Variants in CEBPZOS observed in about 807,000 individuals in gnomAD.
The protein encoded by CEBPZOS is CEBPZ opposite strand.
Under a neutral mutation model 4.8 loss-of-function variants are expected in CEBPZOS, and 10 were observed. The ratio of observed to expected loss-of-function variants is 2.07; its 90% CI spans 1.28 to 3.52. The LOEUF is 3.52. Ranked by LOEUF, CEBPZOS falls within the 30% of genes most tolerant of loss-of-function variation. The pLI, the probability that CEBPZOS is intolerant of heterozygous loss-of-function variation, is 0.00. For synonymous variants in CEBPZOS, 25 were observed against 14.2 expected (o/e 1.77, Z -1.72); for missense variants, 98 against 43.6 (o/e 2.25, Z -3.51).
chr2:37,198,166 T>TA (rs1428140747), intron 1 of CEBPZOS, among the ~76,000 whole-genome samples: 2 of 150,152 alleles, frequency 1.3e-5, no homozygotes, highest in Non-Finnish European at 3.0e-5. Flanking sequence ...TCTCCAAAAA[T>TA]AAAATAAAAA....
At chr2:37,200,066 T>A (rs1471525484) in intron 2 of CEBPZOS, among the ~76,000 whole-genome samples, 1 of 152,174 alleles carries the variant, frequency 6.6e-6, no homozygotes, top group Non-Finnish European at 1.5e-5. Context: ...TTTACTATTG[T>A]GGAGGATATA....
chr2:37,203,264 C>G lies in CEBPZOS; in HGVS notation c.*1404C>G, dbSNP rs547358734. ...TTGCTTTTCAGATTTGGCCACTGAT[C>G]GAAGTTTTACCCATAAGGGAAATAA... On this transcript the variant is annotated 3_prime_UTR_variant, in exon 5 of 5. Transcript: ENST00000402297. The G allele has an allele frequency of 1.4e-4, 38 of 265,456 alleles. No homozygotes were observed. Among genetic ancestry groups the G allele is most frequent in the Non-Finnish European group, 2.2e-4 (32 of 142,442 alleles). The allele number at this position is 265,456 out of a possible 1,614,324, so 16.4% of individuals were successfully genotyped here.
chr2:37,197,863 C>CA (rs986758049), intron 1 of CEBPZOS, among the ~76,000 whole-genome samples: 2 of 147,478 alleles, frequency 1.4e-5, no homozygotes, highest in African/African-American at 5.0e-5. Context: ...GACCCAGTCT[C>CA]AAAAAAATAA....
intron 1 of CEBPZOS, 23 bp downstream of exon 1, chr2:37,196,543 C>T (rs1676946452): frequency 6.6e-6 from 1 of 152,332 alleles, no homozygotes; most frequent in Non-Finnish European, 1.5e-5. Flanking sequence ...CGAGTGGCTT[C>T]CCATGGGCGG....
chr2:37,210,893 C>A lies in CEBPZOS; in HGVS notation c.*3-2544C>A. 8.5e-6 allele frequency: 5 copies of A among 585,878 alleles called. No individual in the cohort carries two copies. In the Admixed American group the frequency reaches 1.1e-4, roughly 13 times the overall value. The allele number at this position is 585,878 out of a possible 1,614,324, so 36.3% of individuals were successfully genotyped here. A position where few individuals can be genotyped will look rare whatever the true frequency, so the allele number is the denominator to read the frequency against. ...TCTTTCTTAAAAAGAACCCCCCCCA[C>A]CCCTGAATTTTATTAATCAAATTTA... On this transcript the variant is annotated intron_variant, in intron 4 of 4. Coordinates refer to the CEBPZOS transcript ENST00000397064.
downstream of CEBPZOS, chr2:37,214,943 T>C (rs758160502): frequency 1.0e-5 from 16 of 1,605,608 alleles, no homozygotes; most frequent in Admixed American, 2.5e-4. Context: ...AAGGAACTCC[T>C]TACTGTTCAC....
downstream of CEBPZOS, chr2:37,213,984 T>C (rs534520763): frequency 1.9e-4 from 251 of 1,315,882 alleles, 3 homozygotes; most frequent in South Asian, 1.9e-3. Context: ...TGTTATATAT[T>C]TGACAATTTT....
intron 4 of CEBPZOS, chr2:37,211,842 C>T (rs752013781): frequency 1.3e-6 from 2 of 1,586,136 alleles, no homozygotes; most frequent in South Asian, 2.3e-5. Flanking sequence ...AAAATGCTTA[C>T]CTGGAACGCT....
At position 37,211,467 on chromosome 2, in the gene CEBPZOS, C is replaced by G. The variant is rs545746570; in HGVS notation, c.*3-1970C>G. ...CAGTCTAGAGACAATTCTGGGTGTT[C>G]CTTGCTAATTTACAAGATAAAATAT... On this transcript the variant is annotated intron_variant, in intron 4 of 4. Transcript: ENST00000397064. 18 of 231,884 alleles carry G rather than the reference C, an allele frequency of 7.8e-5. No individual in the cohort carries two copies. The South Asian group carries it at 2.1e-3, about 26-fold the overall frequency. 14.4% of individuals were successfully genotyped at this position (231,884 alleles called of 1,614,324 possible). A position where few individuals can be genotyped will look rare whatever the true frequency, so the allele number is the denominator to read the frequency against.
downstream of CEBPZOS, chr2:37,213,767 A>G (rs530277081): frequency 1.2e-4 from 91 of 789,004 alleles, no homozygotes; most frequent in Admixed American, 3.3e-4. Context: ...TAGCTAAGTG[A>G]TTTTTTAAAA....
downstream of CEBPZOS, chr2:37,214,800 T>A: frequency 1.2e-6 from 1 of 820,620 alleles, no homozygotes; most frequent in East Asian, 2.6e-5. Flanking sequence ...TTGAAGTAGA[T>A]TATTTCATAA....
At chr2:37,211,966 G>C (rs998828941) in intron 4 of CEBPZOS, 2 of 1,613,534 alleles carry the variant, frequency 1.2e-6, no homozygotes, top group South Asian at 1.1e-5. Context: ...AGGTTACCAA[G>C]TTCATCATCA....
At chr2:37,209,227 A>G (rs965935780), downstream of CEBPZOS, 6 of 152,282 alleles carry the variant, frequency 3.9e-5, no homozygotes, top group East Asian at 9.6e-4. Flanking sequence ...GCCAAAAGCA[A>G]TCTATAAATT....
downstream of CEBPZOS, among the ~76,000 whole-genome samples, chr2:37,215,130 A>AC (rs998022821): frequency 5.9e-5 from 9 of 151,508 alleles, no homozygotes; most frequent in Admixed American, 6.6e-5. Context: ...CTGTGTGAAG[A>AC]CCCCCCCAAC....
At chr2:37,209,973 G>A (rs1677667323) in intron 4 of CEBPZOS, 1 of 152,086 alleles carries the variant, frequency 6.6e-6, no homozygotes, top group South Asian at 2.1e-4. Context: ...TTAAGGATAT[G>A]AACAGACAAT....
At chr2:37,208,691 G>C (rs1347831139), downstream of CEBPZOS, among the ~76,000 whole-genome samples, 1 of 152,048 alleles carries the variant, frequency 6.6e-6, no homozygotes, top group African/African-American at 2.4e-5. Flanking sequence ...ACATTATACT[G>C]AACAGGGAAA....
chr2:37,214,559 TAAAAC>T (rs1408139955), downstream of CEBPZOS, among the ~76,000 whole-genome samples: 2 of 152,082 alleles, frequency 1.3e-5, no homozygotes, highest in African/African-American at 4.8e-5. Context: ...AAAAGAAGCA[TAAAAC>T]AAAATTTATA....
Position 37,211,369 on chromosome 2 carries a change from A to G in CEBPZOS, c.*3-2068A>G, listed in dbSNP as rs1677715554. ...AAACAAGAAACTTCTGCTGTGGTTCAGAATAAGTAAGAAGAATGTTGGGCA... is the reference window on the plus strand; with the variant it reads ...AAACAAGAAACTTCTGCTGTGGTTCGGAATAAGTAAGAAGAATGTTGGGCA... On this transcript the variant is annotated intron_variant, in intron 4 of 4. Transcript: ENST00000397064. 3 of 264,518 alleles carry G rather than the reference A, an allele frequency of 1.1e-5. No individual in the cohort carries two copies. The South Asian group carries it at 3.9e-4, about 35-fold the overall frequency. The allele number at this position is 264,518 out of a possible 1,614,324, so 16.4% of individuals were successfully genotyped here.
chr2:37,201,463 T>C lies in CEBPZOS; in HGVS notation c.161-179T>C, dbSNP rs573611831. Reference sequence around the variant, plus strand: ...GATGACATCATGTAGTTAGACGAAATAGTGCTCATTACAATGATCAGAGAT... The same window carrying C: ...GATGACATCATGTAGTTAGACGAAACAGTGCTCATTACAATGATCAGAGAT... On this transcript the variant is annotated intron_variant, in intron 3 of 4. Transcript: ENST00000402297. The C allele has an allele frequency of 4.6e-5, 26 of 560,952 alleles. No homozygotes were observed. The East Asian group carries it at 6.7e-4, about 15-fold the overall frequency. 34.7% of individuals were successfully genotyped at this position (560,952 alleles called of 1,614,324 possible).
Sources: gnomAD v4.1 joint callset for allele counts (sites outside exome capture counted in the v4.1 genomes callset) on GRCh38, gnomAD v4.1.1 for gene constraint, MANE v1.5 for transcripts, NCBI Gene and HGNC (gene_info 2026-07-23, HGNC 2026-07-21) for gene names.